CUBN: variants seen among roughly 807,000 people sequenced by gnomAD.
CUBN encodes the protein cubilin, also known as 460 kDa receptor.
CUBN carries 282 observed loss-of-function variants against 405.3 expected under a neutral mutation model. That is an observed-to-expected ratio of 0.70 (90% CI 0.63 to 0.77). The LOEUF (loss-of-function observed/expected upper bound fraction) is 0.77. CUBN is among the 30% of genes least tolerant of loss of function. The pLI, the probability that CUBN is intolerant of heterozygous loss-of-function variation, is 0.00. For synonymous variants in CUBN, 1,684 were observed against 1,617.0 expected (o/e 1.04, Z -0.99); for missense variants, 4,514 against 4,475.2 (o/e 1.01, Z -0.25).
At chr10:16,860,260 A>G (rs553737398) in intron 59 of CUBN, among the ~76,000 whole-genome samples, 23 of 152,270 alleles carry the variant, frequency 1.5e-4, no homozygotes, top group African/African-American at 4.3e-4. Flanking sequence ...ACAAAAGCCA[A>G]ATATATTCTT....
chr10:16,909,909 G>A (rs534314319), intron 48 of CUBN, among the ~76,000 whole-genome samples: 3 of 152,234 alleles, frequency 2.0e-5, no homozygotes, highest in East Asian at 1.9e-4. Flanking sequence ...TCTGTACAGA[G>A]AGTCAGATAG....
intron 28 of CUBN, among the ~76,000 whole-genome samples, chr10:17,014,261 C>T (rs567342534): frequency 2.7e-4 from 41 of 152,270 alleles, no homozygotes; most frequent in African/African-American, 9.9e-4. Flanking sequence ...AAGAGCTATT[C>T]CTGCTCTCTC....
At chr10:16,980,225 C>A (rs530519384) in intron 31 of CUBN, among the ~76,000 whole-genome samples, 1 of 152,152 alleles carries the variant, frequency 6.6e-6, no homozygotes, top group Non-Finnish European at 1.5e-5. Flanking sequence ...GAAATAGGAA[C>A]GTTTTTACTC....
chr10:17,010,430 CAGA>C (rs1445108613), intron 28 of CUBN, among the ~76,000 whole-genome samples: 2 of 151,224 alleles, frequency 1.3e-5, no homozygotes, highest in Non-Finnish European at 2.9e-5. Context: ...TGCTTGAGCT[CAGA>C]AGTTCAAGAT....
In CUBN at chr10:16,874,248, A is replaced by G; in HGVS notation, c.9236+126T>C. The G allele has an allele frequency of 3.0e-6, 3 of 1,007,790 alleles. No individual in the cohort carries two copies. In the East Asian group the frequency reaches 7.2e-5, roughly 24 times the overall value. The allele number at this position is 1,007,790 out of a possible 1,614,324, so 62.4% of individuals were successfully genotyped here. On this transcript the variant is annotated intron_variant, in intron 58 of 66. Transcript: ENST00000377833. ...GGTTGAACTGTCATCTAGGAACATC[A>G]CTCCTCTGTGTAGATTTCCCTCCAG...
At chr10:16,991,238 C>T (rs1219662067) in intron 28 of CUBN, among the ~76,000 whole-genome samples, 2 of 152,198 alleles carry the variant, frequency 1.3e-5, no homozygotes, top group Non-Finnish European at 2.9e-5. Context: ...TTCATTGAGT[C>T]CTCATATGGG....
chr10:17,083,442 T>C (rs1370803585), intron 17 of CUBN, among the ~76,000 whole-genome samples: 2 of 151,894 alleles, frequency 1.3e-5, no homozygotes. Flanking sequence ...GAGGCAGAGG[T>C]TGTGGTGAGC....
chr10:16,895,776 C>T (rs78786782), intron 54 of CUBN, among the ~76,000 whole-genome samples: 15,676 of 152,048 alleles, frequency 0.1, 825 homozygotes, highest in Middle Eastern at 0.14. Context: ...CATGTACCTA[C>T]GTGGTTGAAT....
intron 38 of CUBN, 112 bp from the exon 39 acceptor site, chr10:16,937,896 G>T (rs934827280): frequency 3.3e-6 from 3 of 919,454 alleles, no homozygotes; most frequent in Non-Finnish European, 3.3e-6. Context: ...ACAAAAAAAT[G>T]ACAAATGAGT....
At chr10:17,124,518 T>TC (rs1332419031) in intron 4 of CUBN, among the ~76,000 whole-genome samples, 2 of 151,950 alleles carry the variant, frequency 1.3e-5, no homozygotes, top group East Asian at 3.9e-4. Context: ...AGGCGCTGCC[T>TC]CCTGGGTCCA....
intron 54 of CUBN, among the ~76,000 whole-genome samples, chr10:16,897,519 A>AC (rs1386489174): frequency 1.3e-5 from 2 of 152,062 alleles, no homozygotes; most frequent in Non-Finnish European, 2.9e-5. Context: ...ACCCCCGGGT[A>AC]CCTCAATGTC....
intron 45 of CUBN, among the ~76,000 whole-genome samples, chr10:16,917,774 C>A (rs12412584): frequency 0.036 from 5,431 of 152,092 alleles, 382 homozygotes; most frequent in East Asian, 0.21. Flanking sequence ...ATTTACACTC[C>A]TTACTTATTT....
intron 28 of CUBN, among the ~76,000 whole-genome samples, chr10:17,012,046 A>C (rs1302769218): frequency 1.3e-5 from 2 of 152,190 alleles, no homozygotes; most frequent in Non-Finnish European, 2.9e-5. Flanking sequence ...AGTGTCCTCC[A>C]GAGGGGAACT....
intron 27 of CUBN, among the ~76,000 whole-genome samples, chr10:17,026,298 G>A (rs1365151361): frequency 1.3e-5 from 2 of 152,130 alleles, no homozygotes; most frequent in Non-Finnish European, 1.5e-5. Flanking sequence ...AATTTGAAGG[G>A]CTTTGAAATG....
chr10:16,839,137 G>A (rs1470748940), intron 62 of CUBN, among the ~76,000 whole-genome samples: 1 of 152,114 alleles, frequency 6.6e-6, no homozygotes, highest in Non-Finnish European at 1.5e-5. Flanking sequence ...AACACCAGAG[G>A]TGTTTGTCAA....
At chr10:16,954,656 C>G (rs1439567527) in intron 31 of CUBN, 108 bp from the exon 32 acceptor site, 4 of 1,230,036 alleles carry the variant, frequency 3.3e-6, no homozygotes, top group African/African-American at 1.5e-5. Context: ...CACACGTTTG[C>G]TGGATCTAGG....
chr10:17,025,820 GGACA>G (rs1238233514), intron 27 of CUBN, among the ~76,000 whole-genome samples: 3 of 152,078 alleles, frequency 2.0e-5, no homozygotes, highest in Non-Finnish European at 4.4e-5. Flanking sequence ...GAGGCATCCC[GGACA>G]GCCATGCAGA....
Position 16,980,655 on chromosome 10 carries a change from C to T in CUBN, c.4695+1829G>A, listed in dbSNP as rs534259504. Among the ~76,000 whole-genome samples the T allele has an allele frequency of 5.3e-5, 8 of 152,068 alleles. No homozygotes were observed. The South Asian group carries it at 1.7e-3, about 32-fold the overall frequency. ...GAGTTGAACAATGAGAACGCATGGA[C>T]ACAGGGAGGGGAACATCACACACCG... is the stretch of plus-strand genomic sequence containing the variant. On this transcript the variant is annotated intron_variant, in intron 31 of 66. Coordinates refer to ENST00000377833, the MANE Select transcript of CUBN (RefSeq NM_001081.4).
At chr10:16,904,266 T>A in intron 50 of CUBN, 151 bp from the exon 51 acceptor site, 1 of 777,868 alleles carries the variant, frequency 1.3e-6, no homozygotes, top group Admixed American at 2.2e-5. Flanking sequence ...TGTGTGTCTC[T>A]GTTAACTGCA....
Sources: gnomAD v4.1 joint callset for allele counts (sites outside exome capture counted in the v4.1 genomes callset) on GRCh38, gnomAD v4.1.1 for gene constraint, MANE v1.5 for transcripts, NCBI Gene and HGNC (gene_info 2026-07-23, HGNC 2026-07-21) for gene names.